The following SAMD5 variants were observed in gnomAD, a reference collection of about 807,000 sequenced individuals.
SAMD5 encodes the protein sterile alpha motif domain-containing protein 5.
SAMD5 carries 13 observed loss-of-function variants against 11.3 expected under a neutral mutation model. The ratio of observed to expected loss-of-function variants is 1.15; its 90% CI spans 0.75 to 1.83. The LOEUF (loss-of-function observed/expected upper bound fraction) is 1.83, where lower values mean the gene tolerates loss of function less well. SAMD5 is among the 40% of genes most tolerant of loss of function. The probability of loss-of-function intolerance (pLI) is 0.00; values close to 1 mark genes in which losing one functional copy is unlikely to be tolerated. For synonymous variants in SAMD5, 129 were observed against 111.3 expected (o/e 1.16, Z -1.00); for missense variants, 255 against 239.1 (o/e 1.07, Z -0.44).
intron 1 of SAMD5, among the ~76,000 whole-genome samples, chr6:147,733,499 C>T (rs1335885192): frequency 6.6e-6 from 1 of 152,176 alleles, no homozygotes; most frequent in African/African-American, 2.4e-5. Context: ...AATTTCACTT[C>T]AGGCCTTTCT....
At chr6:147,653,697 G>A (rs1293360793) in intron 1 of SAMD5, among the ~76,000 whole-genome samples, 3 of 152,130 alleles carry the variant, frequency 2.0e-5, no homozygotes, top group South Asian at 2.1e-4. Context: ...TTTAAAAATT[G>A]TATTCCTTTC....
intron 1 of SAMD5, among the ~76,000 whole-genome samples, chr6:147,655,886 A>G (rs111892795): frequency 5.3e-4 from 80 of 152,342 alleles, no homozygotes; most frequent in African/African-American, 1.9e-3. Context: ...GATAAAAGAA[A>G]GAATAACACT....
At chr6:147,642,667 T>C (rs1419791005) in intron 1 of SAMD5, among the ~76,000 whole-genome samples, 1 of 152,252 alleles carries the variant, frequency 6.6e-6, no homozygotes, top group Non-Finnish European at 1.5e-5. Context: ...CAGTGTTTTA[T>C]TGAAACATCA....
chr6:147,636,915 ATT>A (rs34637969), intron 1 of SAMD5, among the ~76,000 whole-genome samples: 1 of 150,328 alleles, frequency 6.7e-6, no homozygotes, highest in African/African-American at 2.4e-5. Context: ...GACTTAAGGA[ATT>A]TTTTTTTTTA....
rs142901757 is a variant in SAMD5, at chr6:147,533,587, C to T, written c.459+24200C>T. Among the ~76,000 whole-genome samples the T allele has an allele frequency of 4.9e-3, 738 of 152,086 alleles. 5 individuals carry two copies. The highest frequency in any genetic ancestry group is 0.016 in the African/African-American group (664 of 41,494). On this transcript the variant is annotated intron_variant, in intron 1 of 1. Transcript: ENST00000367474. The stretch of plus-strand genomic sequence containing the variant: ...GCAGAAGACAGCGAGGAGAGAGTCA[C>T]CAGGAGTCCAGCCGAATGAGGAGCC...
chr6:147,557,560 G>A (rs1347695982), intron 1 of SAMD5, among the ~76,000 whole-genome samples: 1 of 152,258 alleles, frequency 6.6e-6, no homozygotes, highest in African/African-American at 2.4e-5. Flanking sequence ...CTGGCCTCTT[G>A]TTGGTATGTC....
intron 1 of SAMD5, among the ~76,000 whole-genome samples, chr6:147,560,145 C>T (rs1178492275): frequency 6.6e-6 from 1 of 152,204 alleles, no homozygotes; most frequent in Non-Finnish European, 1.5e-5. Flanking sequence ...ATATAATGCT[C>T]CTATAGGAGA....
At chr6:147,755,260 T>C in the SAMD5 span, among the ~76,000 whole-genome samples, 3 of 152,126 alleles carry the variant, frequency 2.0e-5, no homozygotes, top group East Asian at 5.8e-4. Flanking sequence ...GTTTTCATTA[T>C]AGAGATCTTC....
At chr6:147,751,717 C>T in the SAMD5 span, among the ~76,000 whole-genome samples, 2 of 152,218 alleles carry the variant, frequency 1.3e-5, no homozygotes, top group Non-Finnish European at 1.5e-5. Context: ...GAGGCCTGTT[C>T]TTGTACTAGG....
chr6:147,534,504 G>A (rs556283821), intron 1 of SAMD5, among the ~76,000 whole-genome samples: 1 of 152,138 alleles, frequency 6.6e-6, no homozygotes, highest in Non-Finnish European at 1.5e-5. Context: ...CCGGCTGTGC[G>A]GGAGACCAGA....
At chr6:147,551,812 TTATATATATATATATA>T (rs10691979) in intron 1 of SAMD5, among the ~76,000 whole-genome samples, 1 of 99,456 alleles carries the variant, frequency 1.0e-5, no homozygotes, top group African/African-American at 3.5e-5. Flanking sequence ...TATATATATG[TTATATATATATATATA>T]TATATATATG....
the SAMD5 span, among the ~76,000 whole-genome samples, chr6:147,922,496 C>T: frequency 1.3e-5 from 2 of 152,092 alleles, no homozygotes; most frequent in Admixed American, 1.3e-4. Context: ...CGCTAAAAAT[C>T]AAAAAGAATA....
the SAMD5 span, among the ~76,000 whole-genome samples, chr6:147,760,431 T>C: frequency 1.1e-4 from 17 of 152,230 alleles, no homozygotes; most frequent in African/African-American, 3.4e-4. Flanking sequence ...TTAAAAACTG[T>C]AGATAAAAGG....
chr6:147,679,806 CT>C lies in SAMD5; in HGVS notation c.163-57498del, dbSNP rs143350409. On this transcript the variant is annotated intron_variant, in intron 1 of 1. Transcript: ENST00000566741. ...GTATAATGTAAGGGATGGATAAAAACTTTTTTTTTTTTTCATGTGGGTATCC... is the reference window on the plus strand; with the variant it reads ...GTATAATGTAAGGGATGGATAAAAACTTTTTTTTTTTTCATGTGGGTATCC... Among the ~76,000 whole-genome samples the C allele has an allele frequency of 3.8e-3, 531 of 139,452 alleles. 5 individuals are homozygous for C. In the South Asian group the frequency reaches 0.048, roughly 12 times the overall value. The allele number at this position is 139,452 out of a possible 152,430, so 91.5% of individuals were successfully genotyped here.
chr6:147,739,929 C>T (rs1386805507), downstream of SAMD5, among the ~76,000 whole-genome samples: 3 of 152,140 alleles, frequency 2.0e-5, no homozygotes, highest in Non-Finnish European at 4.4e-5. Flanking sequence ...AAGCAATTCT[C>T]CTGTCTCAGC....
intron 1 of SAMD5, among the ~76,000 whole-genome samples, chr6:147,533,983 A>C (rs2128441388): frequency 6.6e-6 from 1 of 152,354 alleles, no homozygotes; most frequent in Non-Finnish European, 1.5e-5. Flanking sequence ...TGGGCACCAC[A>C]GTCAAGCCAA....
the SAMD5 span, among the ~76,000 whole-genome samples, chr6:147,898,012 G>T: frequency 6.7e-6 from 1 of 148,592 alleles, no homozygotes; most frequent in African/African-American, 2.5e-5. Flanking sequence ...GCCAGCTGCA[G>T]GCTGTCAGGA....
the SAMD5 span, among the ~76,000 whole-genome samples, chr6:147,932,037 G>A: frequency 1.3e-5 from 2 of 152,212 alleles, no homozygotes; most frequent in African/African-American, 2.4e-5. Flanking sequence ...GAGAAATGTC[G>A]TGATGTAATA....
the SAMD5 span, among the ~76,000 whole-genome samples, chr6:147,786,072 C>G: frequency 3.5e-4 from 53 of 152,216 alleles, no homozygotes; most frequent in Admixed American, 1.6e-3. Context: ...TTCACATTTT[C>G]CGTTTACTCT....
Sources: allele counts gnomAD v4.1 joint callset (sites outside exome capture counted in the v4.1 genomes callset), GRCh38; gene constraint gnomAD v4.1.1; transcripts MANE v1.5; gene names NCBI Gene and HGNC (gene_info 2026-07-23, HGNC 2026-07-21).